Variants in CCDC149 observed in about 807,000 individuals in gnomAD.
CCDC149 encodes the protein coiled-coil domain-containing protein 149.
Under a neutral mutation model 59.9 loss-of-function variants are expected in CCDC149, and 45 were observed. The observed-to-expected ratio is 0.75, with a 90% confidence interval of 0.59 to 0.96. The LOEUF (loss-of-function observed/expected upper bound fraction) is 0.96, where lower values mean the gene tolerates loss of function less well. Among genes scored for constraint, CCDC149 ranks in the 40% least tolerant of loss-of-function variants. CCDC149 has a pLI of 0.00. For missense variants in CCDC149, 584 were observed against 664.7 expected (o/e 0.88, Z 1.33); for synonymous variants, 245 against 260.6 (o/e 0.94, Z 0.58).
At chr4:24,923,701 A>G (rs1267021566) in intron 1 of CCDC149, among the ~76,000 whole-genome samples, 1 of 152,210 alleles carries the variant, frequency 6.6e-6, no homozygotes, top group African/African-American at 2.4e-5. Flanking sequence ...ATCAGACTGG[A>G]GGGAGGAGCA....
chr4:24,970,482 C>T (rs896392495), intron 1 of CCDC149, among the ~76,000 whole-genome samples: 11 of 152,098 alleles, frequency 7.2e-5, no homozygotes, highest in East Asian at 1.9e-4. Context: ...ACTGGGGGGA[C>T]GTGTAGTACC....
chr4:24,853,066 C>CA lies in CCDC149; in HGVS notation c.372+5dup. On this transcript the variant is annotated splice_donor_region_variant and intron_variant, in intron 4 of 12. Coordinates refer to ENST00000635206, the MANE Select transcript of CCDC149 (RefSeq NM_001330643.2). ...AGAGCTTCTTCCCTGTAAATACTCA[C>CA]AGTACCTTGTTGTCGCCCTGGACTT... The CA allele has an allele frequency of 6.3e-7, 1 of 1,580,376 alleles. No individual in the cohort carries two copies. Among genetic ancestry groups the CA allele is most frequent in the African/African-American group, 1.3e-5 (1 of 74,244 alleles).
rs1298887747 is a variant in CCDC149, at chr4:24,806,498, A to C, written c.*1891T>G. 6.6e-6 allele frequency: 1 copy of C among 152,228 alleles called. No individual in the cohort carries two copies. Among genetic ancestry groups the C allele is most frequent in the Non-Finnish European group, 1.5e-5 (1 of 68,076 alleles). The allele number at this position is 152,228 out of a possible 1,614,324, so 9.4% of individuals were successfully genotyped here. The stretch of plus-strand genomic sequence containing the variant: ...GTCAAAACCAGAGTTCTGCAGGCTG[A>C]GATTTTTCCTTTTATTATTATTAAA... On this transcript the variant is annotated 3_prime_UTR_variant, in exon 13 of 13. Transcript: ENST00000635206.
rs879291722 is a variant in CCDC149 at position 24,847,436 on chromosome 4, G to T, written c.372+5636C>A. Among the ~76,000 whole-genome samples the T allele has an allele frequency of 1.3e-5, 2 of 152,060 alleles. 1 individual carries two copies. Among genetic ancestry groups the T allele is most frequent in the South Asian group, 4.2e-4 (2 of 4,814 alleles). On this transcript the variant is annotated intron_variant, in intron 4 of 12. Coordinates refer to ENST00000635206, the MANE Select transcript of CCDC149 (RefSeq NM_001330643.2). The stretch of plus-strand genomic sequence containing the variant: ...AGCACTGTCTGATGAAATTACTTAC[G>T]TATTTTATTTTCTTATTATCTACTC...
In CCDC149 at chr4:24,893,613, C is replaced by CTTTTTTTTTTTTTTTTT. The variant is rs3066508; in HGVS notation, c.64-16933_64-16917dup. Among the ~76,000 whole-genome samples the CTTTTTTTTTTTTTTTTT allele has an allele frequency of 1.1e-3, 71 of 65,876 alleles. 19 individuals are homozygous for CTTTTTTTTTTTTTTTTT. The highest frequency in any genetic ancestry group is 4.6e-3 in the Admixed American group (15 of 3,284). The allele number at this position is 65,876 out of a possible 152,430, so 43.2% of individuals were successfully genotyped here. On this transcript the variant is annotated intron_variant, in intron 1 of 12. Transcript: ENST00000635206. ...CTTCTAGCACAATCTAAAATACAGA[C>CTTTTTTTTTTTTTTTTT]TTTTTTTTTTTTTTTTTTTTTGAGA... is the stretch of plus-strand genomic sequence containing the variant.
intron 1 of CCDC149, among the ~76,000 whole-genome samples, chr4:24,975,270 G>A (rs930345776): frequency 6.6e-5 from 10 of 151,034 alleles, no homozygotes; most frequent in Admixed American, 6.6e-4. Flanking sequence ...AGGAAGGGAA[G>A]GGAGGAAGAC....
intron 4 of CCDC149, among the ~76,000 whole-genome samples, chr4:24,851,556 G>T (rs1717658488): frequency 6.6e-6 from 1 of 152,074 alleles, no homozygotes; most frequent in Non-Finnish European, 1.5e-5. Flanking sequence ...GTTGAGGGGA[G>T]GAGCAGCTCA....
At chr4:24,949,843 C>A (rs929852682) in intron 1 of CCDC149, among the ~76,000 whole-genome samples, 2 of 152,148 alleles carry the variant, frequency 1.3e-5, no homozygotes, top group African/African-American at 4.8e-5. Context: ...GATCTTTCCC[C>A]AAGATGTTGT....
chr4:24,879,468 G>C (rs944402076), intron 1 of CCDC149, among the ~76,000 whole-genome samples: 1 of 149,266 alleles, frequency 6.7e-6, no homozygotes, highest in African/African-American at 2.5e-5. Context: ...AGTGAGCCGA[G>C]ATCGCACCAT....
At chr4:24,907,380 T>C (rs1721597545) in intron 1 of CCDC149, among the ~76,000 whole-genome samples, 1 of 152,310 alleles carries the variant, frequency 6.6e-6, no homozygotes, top group Admixed American at 6.5e-5. Context: ...CTTGGGGATC[T>C]ACCCTAGCTC....
downstream of CCDC149, among the ~76,000 whole-genome samples, chr4:24,803,877 A>T (rs182996780): frequency 1.1e-4 from 16 of 152,328 alleles, no homozygotes; most frequent in African/African-American, 3.8e-4. This position sits in a 1 kb window ranked among gnomAD's most constrained non-coding sequence, Gnocchi z 4.3. Context: ...AATTGCCTTC[A>T]TGCTGTATCA....
chr4:24,980,188 G>T (rs942925702), upstream of CCDC149: 13 of 152,214 alleles, frequency 8.5e-5, no homozygotes, highest in African/African-American at 3.1e-4. Context: ...ACGCAATCGC[G>T]GATTCACCAG....
At chr4:24,832,596 G>GATGGC (rs1716230527) in intron 8 of CCDC149, among the ~76,000 whole-genome samples, 2 of 152,128 alleles carry the variant, frequency 1.3e-5, no homozygotes, top group Non-Finnish European at 2.9e-5. Context: ...GTCATCTATG[G>GATGGC]ATGGCTCTGA....
At chr4:24,925,410 G>A (rs904782354) in intron 1 of CCDC149, among the ~76,000 whole-genome samples, 4 of 152,100 alleles carry the variant, frequency 2.6e-5, no homozygotes, top group Non-Finnish European at 5.9e-5. Context: ...ACTGGGGGTG[G>A]GGTAGGGTCA....
At chr4:24,839,182 C>CAT (rs1553849828) in intron 4 of CCDC149, among the ~76,000 whole-genome samples, 3 of 144,286 alleles carry the variant, frequency 2.1e-5, no homozygotes, top group Non-Finnish European at 3.1e-5. Flanking sequence ...TACTTTCTAA[C>CAT]TTTTTTTTTT....
chr4:24,873,046 A>C (rs774802812), intron 3 of CCDC149, among the ~76,000 whole-genome samples: 3 of 147,470 alleles, frequency 2.0e-5, no homozygotes, highest in Non-Finnish European at 4.5e-5. Context: ...GTATGCACCC[A>C]CCAAATGGTG....
intron 1 of CCDC149, among the ~76,000 whole-genome samples, chr4:24,890,578 A>G (rs1266614927): frequency 6.6e-6 from 1 of 152,212 alleles, no homozygotes; most frequent in Non-Finnish European, 1.5e-5. Context: ...GAAGACAGAA[A>G]ACAATCTCCA....
In CCDC149 at chr4:24,820,029, G is replaced by T. The variant is rs943335243; in HGVS notation, c.1076-54C>A. On this transcript the variant is annotated intron_variant, in intron 11 of 12. Coordinates refer to ENST00000635206, the MANE Select transcript of CCDC149 (RefSeq NM_001330643.2). ...CTTATATCATCAGTGGAGTTGGGTTGCATTTAGTCCCACACACTTAATCGG... is the reference window on the plus strand; with the variant it reads ...CTTATATCATCAGTGGAGTTGGGTTTCATTTAGTCCCACACACTTAATCGG... 1.9e-4 allele frequency: 248 copies of T among 1,335,952 alleles called. 1 individual carries two copies. In the East Asian group the frequency reaches 6.1e-3, roughly 33 times the overall value. The allele number at this position is 1,335,952 out of a possible 1,614,324, so 82.8% of individuals were successfully genotyped here.
At position 24,906,688 on chromosome 4, in the gene CCDC149, G is replaced by A. The variant is rs541778062; in HGVS notation, c.63+6129C>T. On this transcript the variant is annotated intron_variant, in intron 1 of 12. Coordinates refer to ENST00000635206, the MANE Select transcript of CCDC149 (RefSeq NM_001330643.2). ...CCTGGGATTATAGACATGGGCCACC[G>A]TGCCCGGCCAAATTTTAAAAATGAA... Among the ~76,000 whole-genome samples the A allele has an allele frequency of 2.5e-4, 38 of 152,130 alleles. 1 individual carries two copies. The South Asian group carries it at 7.9e-3, about 32-fold the overall frequency.
Sources: gnomAD v4.1 joint callset for allele counts (sites outside exome capture counted in the v4.1 genomes callset) on GRCh38, gnomAD v4.1.1 for gene constraint, Gnocchi (gnomAD v3.1) non-coding constraint, MANE v1.5 for transcripts, NCBI Gene and HGNC (gene_info 2026-07-23, HGNC 2026-07-21) for gene names.